DISC1: variants seen among roughly 807,000 people sequenced by gnomAD.
The protein encoded by DISC1 is disrupted in schizophrenia 1 protein.
Under a neutral mutation model 84.5 loss-of-function variants are expected in DISC1, and 57 were observed. The observed-to-expected ratio is 0.67, with a 90% CI of 0.55 to 0.84. DISC1 has a LOEUF of 0.84. Among genes scored for constraint, DISC1 ranks in the 40% least tolerant of loss-of-function variants. DISC1 has a pLI of 0.00. For synonymous variants in DISC1, 411 were observed against 415.2 expected, an observed-to-expected ratio of 0.99 and a Z score of 0.12; for missense variants, 1,000 against 1,057.8, an observed-to-expected ratio of 0.95 and a Z score of 0.76.
rs1664794011 is a variant in DISC1 at position 231,988,722 on chromosome 1, T to C, written c.2043-20063T>C. On this transcript the variant is annotated intron_variant, in intron 10 of 12. Transcript: ENST00000439617. ...TTATAAGCCACCCAGTTTATGGCAT[T>C]TTTATTATAGCAACTGGAACAGACT... is the stretch of plus-strand genomic sequence containing the variant. Among the ~76,000 whole-genome samples, 3 of 152,250 alleles carry C rather than the reference T, an allele frequency of 2.0e-5. No homozygotes were observed. In the South Asian group the frequency reaches 6.2e-4, roughly 31 times the overall value.
Position 231,723,922 on chromosome 1 carries a change from C to T in DISC1, c.1117+21898C>T, listed in dbSNP as rs961517996. On this transcript the variant is annotated intron_variant, in intron 3 of 12. Transcript: ENST00000439617. Reference sequence around the variant, plus strand: ...GTGCCGATGTCTGGACAATTAATTCCCTAGGTCAGTGGCTTTCACAGTTTG... The same window carrying T: ...GTGCCGATGTCTGGACAATTAATTCTCTAGGTCAGTGGCTTTCACAGTTTG... 47 of 985,440 alleles carry T rather than the reference C, an allele frequency of 4.8e-5. No individual in the cohort carries two copies. The Middle Eastern group carries it at 4.2e-3, about 88-fold the overall frequency. The allele number at this position is 985,440 out of a possible 1,614,324, so 61.0% of individuals were successfully genotyped here.
At chr1:231,991,076 T>C (rs1665140184) in intron 10 of DISC1, among the ~76,000 whole-genome samples, 1 of 152,216 alleles carries the variant, frequency 6.6e-6, no homozygotes, top group South Asian at 2.1e-4. Flanking sequence ...ACAGAATAGT[T>C]TGGGGACATT....
intron 10 of DISC1, among the ~76,000 whole-genome samples, chr1:231,969,143 A>G (rs941637754): frequency 2.7e-5 from 4 of 148,104 alleles, no homozygotes; most frequent in Non-Finnish European, 5.9e-5. Context: ...AATACCCTCC[A>G]TTAAGGATCT....
At chr1:231,716,978 G>A (rs1168510856) in intron 3 of DISC1, among the ~76,000 whole-genome samples, 6 of 152,170 alleles carry the variant, frequency 3.9e-5, no homozygotes, top group Non-Finnish European at 8.8e-5. Flanking sequence ...CTACCAACAC[G>A]TTCTGGATGG....
intron 1 of DISC1, among the ~76,000 whole-genome samples, chr1:231,673,577 A>C (rs987468431): frequency 1.3e-5 from 2 of 152,216 alleles, no homozygotes; most frequent in African/African-American, 4.8e-5. Flanking sequence ...GTAAATTCTG[A>C]ATGGCTGTCA....
intron 1 of DISC1, among the ~76,000 whole-genome samples, chr1:231,691,795 G>A (rs960633337): frequency 3.3e-5 from 5 of 152,204 alleles, no homozygotes; most frequent in South Asian, 2.1e-4. Flanking sequence ...TGTGCCTGAG[G>A]GCCTCTCTCT....
intron 9 of DISC1, among the ~76,000 whole-genome samples, chr1:231,933,300 C>CT (rs575430207): frequency 1.3e-4 from 20 of 152,252 alleles, no homozygotes; most frequent in African/African-American, 4.6e-4. Flanking sequence ...GCTAGCCTTG[C>CT]TTTTAACCAC....
intron 11 of DISC1, among the ~76,000 whole-genome samples, chr1:232,023,076 G>A (rs909037875): frequency 5.7e-5 from 8 of 141,020 alleles, no homozygotes; most frequent in African/African-American, 1.6e-4. Context: ...TTTTCATTAT[G>A]GTTTGAATTA....
intron 12 of DISC1, among the ~76,000 whole-genome samples, chr1:232,034,990 A>G (rs1410282601): frequency 2.6e-5 from 4 of 152,192 alleles, no homozygotes; most frequent in Non-Finnish European, 4.4e-5. Flanking sequence ...TTCAAATGCA[A>G]GGAGAGAACC....
At chr1:231,721,168 G>T in intron 3 of DISC1, 2 of 1,161,108 alleles carry the variant, frequency 1.7e-6, no homozygotes, top group Non-Finnish European at 1.1e-6. Context: ...AGAAACAGAG[G>T]AAATAATACA....
intron 12 of DISC1, among the ~76,000 whole-genome samples, chr1:232,033,157 T>G (rs1469188752): frequency 6.6e-6 from 1 of 152,228 alleles, no homozygotes; most frequent in Non-Finnish European, 1.5e-5. Flanking sequence ...CGCTCATTCC[T>G]AGTCCTCTTC....
intron 9 of DISC1, among the ~76,000 whole-genome samples, chr1:231,918,789 G>A (rs1384869168): frequency 1.3e-5 from 2 of 152,190 alleles, no homozygotes; most frequent in African/African-American, 2.4e-5. Context: ...AGGAAGGAAC[G>A]TGAGGGAAGT....
intron 1 of DISC1, among the ~76,000 whole-genome samples, chr1:231,653,568 C>T (rs1357182375): frequency 7.2e-5 from 11 of 152,218 alleles, no homozygotes; most frequent in African/African-American, 1.9e-4. Context: ...GGAAATGCCA[C>T]TCATCTGTGT....
At chr1:231,919,334 C>T (rs201092816) in intron 9 of DISC1, among the ~76,000 whole-genome samples, 1 of 152,184 alleles carries the variant, frequency 6.6e-6, no homozygotes, top group Non-Finnish European at 1.5e-5. Flanking sequence ...CTGTAATAGT[C>T]AAAAACAGGT....
Position 231,800,223 on chromosome 1 carries a change from G to C in DISC1, c.1792+13G>C. The C allele has an allele frequency of 1.9e-6, 3 of 1,600,086 alleles. No homozygotes were observed. In the South Asian group the frequency reaches 3.3e-5, roughly 18 times the overall value. On this transcript the variant is annotated intron_variant, in intron 8 of 12. Coordinates refer to ENST00000439617, the MANE Select transcript of DISC1 (RefSeq NM_018662.3). Reference sequence around the variant, plus strand: ...CATGCCATATCAGGTAACTGGCAGTGTAGGAGACGTTGAAGCTATCCAACT... The same window carrying C: ...CATGCCATATCAGGTAACTGGCAGTCTAGGAGACGTTGAAGCTATCCAACT...
At chr1:231,628,264 T>A (rs1003320346) in intron 1 of DISC1, among the ~76,000 whole-genome samples, 4 of 152,178 alleles carry the variant, frequency 2.6e-5, no homozygotes, top group African/African-American at 9.7e-5. Context: ...TTCGGGCTCT[T>A]TGACTTTGAG....
chr1:232,024,835 C>G (rs919420169), intron 11 of DISC1, among the ~76,000 whole-genome samples: 2 of 152,100 alleles, frequency 1.3e-5, no homozygotes, highest in African/African-American at 4.8e-5. Context: ...CATGATCCAC[C>G]CGCCTCAGCC....
At chr1:231,756,638 CAAG>C (rs1457366398) in intron 4 of DISC1, among the ~76,000 whole-genome samples, 4 of 151,166 alleles carry the variant, frequency 2.6e-5, no homozygotes, top group Non-Finnish European at 5.9e-5. Context: ...AAATTGCCAG[CAAG>C]AAGGAGTTGC....
chr1:232,008,825 T>C lies in DISC1; in HGVS notation c.2083T>C (p.Leu695=), dbSNP rs760881595. Residue 695 remains leucine (L), a synonymous_variant, in exon 11 of 13, where the codon TTG becomes CTG. Coordinates refer to ENST00000439617, the MANE Select transcript of DISC1 (RefSeq NM_018662.3). ...GCTTGGGAAAGTGTGGGAAGCTGAC[T>C]TGGAAGCTTGTCGATTGCTTATCCA... ...PLLGKVWEAD[L]EACRLLIQSL... The C allele has an allele frequency of 3.1e-6, 5 of 1,600,492 alleles. No individual in the cohort carries two copies. The highest frequency in any genetic ancestry group is 1.7e-4 in the Middle Eastern group (1 of 5,972).
Sources: gnomAD v4.1 joint callset for allele counts (sites outside exome capture counted in the v4.1 genomes callset) on GRCh38, gnomAD v4.1.1 for gene constraint, MANE v1.5 for transcripts, NCBI Gene and HGNC (gene_info 2026-07-23, HGNC 2026-07-21) for gene names.